Variants in KAZN observed in about 807,000 individuals in gnomAD.
KAZN encodes the protein kazrin, periplakin interacting protein, also known as kazrin.
KAZN carries 40 observed loss-of-function variants against 87.4 expected under a neutral mutation model. The ratio of observed to expected loss-of-function variants is 0.46; its 90% CI spans 0.36 to 0.60. KAZN has a LOEUF of 0.60. Among genes scored for constraint, KAZN ranks in the 20% least tolerant of loss-of-function variants. The probability of loss-of-function intolerance (pLI) is 0.00; values close to 1 mark genes in which losing one functional copy is unlikely to be tolerated. For synonymous variants in KAZN, 466 were observed against 458.3 expected (o/e 1.02, Z -0.22); for missense variants, 898 against 1,073.9 (o/e 0.84, Z 2.29).
intron 2 of KAZN, among the ~76,000 whole-genome samples, chr1:14,188,991 C>T (rs1286868198): frequency 6.6e-6 from 1 of 152,074 alleles, no homozygotes; most frequent in Non-Finnish European, 1.5e-5. Context: ...ATATTAAACT[C>T]AAACAGTCCC....
chr1:14,984,187 A>G (rs1572982880), intron 2 of KAZN, among the ~76,000 whole-genome samples: 2 of 152,060 alleles, frequency 1.3e-5, no homozygotes, highest in Non-Finnish European at 2.9e-5. Flanking sequence ...GCAAAACTCC[A>G]TCTCTACTAA....
At chr1:15,057,874 T>C (rs1469061976) in intron 5 of KAZN, among the ~76,000 whole-genome samples, 1 of 152,208 alleles carries the variant, frequency 6.6e-6, no homozygotes, top group Non-Finnish European at 1.5e-5. Flanking sequence ...AGACTCCTGG[T>C]CATCCTCGTC....
chr1:14,039,625 A>G (rs964598744), intron 1 of KAZN, among the ~76,000 whole-genome samples: 4 of 152,206 alleles, frequency 2.6e-5, no homozygotes, highest in Admixed American at 6.5e-5. Flanking sequence ...TTTTATTTAC[A>G]CAGTATAGTT....
intron 2 of KAZN, among the ~76,000 whole-genome samples, chr1:14,299,793 A>G (rs560381594): frequency 2.0e-5 from 3 of 152,322 alleles, no homozygotes; most frequent in South Asian, 4.1e-4. Context: ...TTCTGCTCAC[A>G]TCACATTTAC....
intron 2 of KAZN, among the ~76,000 whole-genome samples, chr1:14,540,293 G>A (rs928721543): frequency 7.9e-5 from 12 of 152,192 alleles, no homozygotes; most frequent in African/African-American, 2.9e-4. Flanking sequence ...GAATACCCCT[G>A]CAGTTGGTAA....
chr1:14,304,925 C>A (rs1169090241), intron 2 of KAZN, among the ~76,000 whole-genome samples: 1 of 150,562 alleles, frequency 6.6e-6, no homozygotes, highest in African/African-American at 2.5e-5. Flanking sequence ...AGCATGATTG[C>A]TCTGCAGCCA....
intron 1 of KAZN, among the ~76,000 whole-genome samples, chr1:14,629,996 A>G (rs946643747): frequency 1.3e-5 from 2 of 149,890 alleles, no homozygotes; most frequent in African/African-American, 4.9e-5. Context: ...GTGTAAATAC[A>G]TATTTCTGCT....
chr1:15,044,870 G>C (rs553611271), intron 4 of KAZN, among the ~76,000 whole-genome samples: 1 of 148,258 alleles, frequency 6.7e-6, no homozygotes, highest in East Asian at 1.9e-4. Context: ...TTATTTCTTT[G>C]TTTGTTTATT....
chr1:14,605,938 A>C (rs1677321981), intron 1 of KAZN, among the ~76,000 whole-genome samples: 1 of 152,220 alleles, frequency 6.6e-6, no homozygotes, highest in Non-Finnish European at 1.5e-5. Flanking sequence ...TACTGTTCTA[A>C]GTGATTTTCT....
intron 1 of KAZN, among the ~76,000 whole-genome samples, chr1:14,794,634 C>T (rs116752872): frequency 1.3e-5 from 2 of 152,280 alleles, no homozygotes; most frequent in Non-Finnish European, 1.5e-5. Context: ...TCATGGGAGT[C>T]GGCTCTCAGG....
At chr1:14,252,652 G>T (rs1650153216) in intron 2 of KAZN, among the ~76,000 whole-genome samples, 1 of 152,176 alleles carries the variant, frequency 6.6e-6, no homozygotes, top group African/African-American at 2.4e-5. Context: ...ATAGCTCTTA[G>T]GAGGATTCAA....
intron 1 of KAZN, among the ~76,000 whole-genome samples, chr1:14,658,880 T>C (rs1638973797): frequency 1.3e-5 from 2 of 152,186 alleles, no homozygotes; most frequent in Admixed American, 1.3e-4. Context: ...CACACAGGAA[T>C]GTTTAAGAGA....
chr1:14,106,981 T>TCTCC (rs1157966988), intron 1 of KAZN, among the ~76,000 whole-genome samples: 6 of 66,636 alleles, frequency 9.0e-5, no homozygotes, highest in East Asian at 5.6e-4. Flanking sequence ...TCCCTCCTTC[T>TCTCC]CTCCCTCCCT....
intron 2 of KAZN, among the ~76,000 whole-genome samples, chr1:15,000,914 G>A (rs1250091318): frequency 6.6e-6 from 1 of 151,684 alleles, no homozygotes; most frequent in Admixed American, 6.6e-5. Flanking sequence ...GACCAGACTG[G>A]GCAACATAGC....
At chr1:14,515,779 T>C (rs1671266759) in intron 2 of KAZN, among the ~76,000 whole-genome samples, 1 of 152,152 alleles carries the variant, frequency 6.6e-6, no homozygotes, top group Admixed American at 6.5e-5. Context: ...CCAGCCGTTT[T>C]ATAACCTATC....
chr1:14,075,688 A>T (rs1040050619), intron 1 of KAZN, among the ~76,000 whole-genome samples: 1 of 152,176 alleles, frequency 6.6e-6, no homozygotes, highest in Non-Finnish European at 1.5e-5. Flanking sequence ...GGGGAAAATC[A>T]TCCTGTTCCG....
chr1:13,983,076 A>G (rs1638819184), intron 1 of KAZN, among the ~76,000 whole-genome samples: 1 of 152,268 alleles, frequency 6.6e-6, no homozygotes, highest in Admixed American at 6.5e-5. Context: ...AGGCCCCACC[A>G]GACTCAGGAG....
chr1:14,127,107 A>C (rs1644888874), intron 1 of KAZN, among the ~76,000 whole-genome samples: 1 of 30,504 alleles, frequency 3.3e-5, no homozygotes, highest in South Asian at 9.7e-4. Context: ...CTCCATCTCA[A>C]ACAAAACAAA....
At chr1:14,904,880 G>C (rs535350744) in intron 1 of KAZN, among the ~76,000 whole-genome samples, 7 of 152,030 alleles carry the variant, frequency 4.6e-5, no homozygotes, top group Non-Finnish European at 7.4e-5. Flanking sequence ...TCCTGCCTCC[G>C]CCTCCCAAGT....
Sources: allele counts gnomAD v4.1 joint callset (sites outside exome capture counted in the v4.1 genomes callset), GRCh38; gene constraint gnomAD v4.1.1; transcripts MANE v1.5; gene names NCBI Gene and HGNC (gene_info 2026-07-23, HGNC 2026-07-21).